TGFBRAP1: variants seen among roughly 807,000 people sequenced by gnomAD.
The protein encoded by TGFBRAP1 is transforming growth factor beta receptor associated protein 1.
In TGFBRAP1, 20 loss-of-function variants were observed where a neutral mutation model predicts 83.2. The observed-to-expected ratio is 0.24, with a 90% CI of 0.17 to 0.35. TGFBRAP1 has a LOEUF of 0.35. Ranked by LOEUF, TGFBRAP1 falls within the 10% of genes least tolerant of loss-of-function variation. The pLI is 1.00. For synonymous variants in TGFBRAP1, 415 were observed against 459.8 expected (o/e 0.90, Z 1.25); for missense variants, 950 against 1,099.4 (o/e 0.86, Z 1.92).
the TGFBRAP1 span, among the ~76,000 whole-genome samples, chr2:105,259,377 C>T: frequency 6.6e-6 from 1 of 152,170 alleles, no homozygotes; most frequent in East Asian, 1.9e-4. Context: ...TCACTTCTTG[C>T]CCTCCCAGGA....
intron 2 of TGFBRAP1, 49 bp from the exon 3 acceptor site, chr2:105,298,754 T>C (rs1288148764): frequency 2.0e-6 from 3 of 1,505,586 alleles, no homozygotes; most frequent in Non-Finnish European, 2.7e-6. Flanking sequence ...AAGCATGGTG[T>C]CATTTTCCTG....
chr2:105,284,094 C>G (rs185835725), intron 5 of TGFBRAP1, among the ~76,000 whole-genome samples: 3 of 152,056 alleles, frequency 2.0e-5, no homozygotes, highest in Non-Finnish European at 4.4e-5. Context: ...TTGTCTGCTC[C>G]CACTCTAAGA....
At chr2:105,250,836 G>T in the TGFBRAP1 span, among the ~76,000 whole-genome samples, 1 of 152,324 alleles carries the variant, frequency 6.6e-6, no homozygotes. Flanking sequence ...GTATTTTTTT[G>T]ATGGAGACGG....
intron 4 of TGFBRAP1, among the ~76,000 whole-genome samples, chr2:105,294,836 C>G (rs554055779): frequency 2.0e-5 from 3 of 152,178 alleles, no homozygotes; most frequent in Non-Finnish European, 4.4e-5. Flanking sequence ...AAATGCTACA[C>G]GCTTAAAATG....
At position 105,269,392 on chromosome 2, in the gene TGFBRAP1, T is replaced by A; in HGVS notation, c.2286A>T (p.Ser762=). 2 of 1,614,030 alleles carry A rather than the reference T, an allele frequency of 1.2e-6. No homozygotes were observed. Among genetic ancestry groups the A allele is most frequent in the Non-Finnish European group, 8.5e-7 (1 of 1,180,010 alleles). The change falls in exon 11 of 12, where the codon TCA becomes TCT. Residue 762 remains serine (S), a synonymous_variant. Coordinates refer to ENST00000393359, the MANE Select transcript of TGFBRAP1 (RefSeq NM_004257.6). The surrounding 1 kb of genome is among the most constrained non-coding windows in gnomAD (Gnocchi z 4.1). ...TCAGGAATGGGCAGAGGAGCTGCAC[T>A]GACCAGGTGTCAGGCAGCATCTGCA... The part of the protein sequence containing the change: ...QVLQMLPDTW[S]VQLLCPFLMG...
chr2:105,269,482 C>A lies in TGFBRAP1; in HGVS notation c.2196G>T (p.Glu732Asp). ...IYLHAGPTAH[E>D]LAVAAVDLLN... ...GCAGGTCCACGGCAGCCACGGCCAG[C>A]TCGTGGGCAGTGGGGCCAGCATGCA... Residue 732 changes from glutamate (E) to aspartate (D), a missense_variant, in exon 11 of 12, where the codon GAG (glutamate) becomes GAT (aspartate). Coordinates refer to ENST00000393359, the MANE Select transcript of TGFBRAP1 (RefSeq NM_004257.6). This position sits in a 1 kb window ranked among gnomAD's most constrained non-coding sequence, Gnocchi z 4.1. 1 of 1,613,452 alleles carries A rather than the reference C, an allele frequency of 6.2e-7. No individual in the cohort carries two copies. The highest frequency in any genetic ancestry group is 1.7e-4 in the Middle Eastern group (1 of 5,992).
Position 105,311,154 on chromosome 2 carries a change from A to AC in TGFBRAP1, c.-17-2837_-17-2836insG, listed in dbSNP as rs999410975. Reference sequence around the variant, plus strand: ...GAGGGAGAGAGAGCTGTAAAAAAAAAAAAAAAACAAAAAACAAAAAAACAT... The same window carrying AC: ...GAGGGAGAGAGAGCTGTAAAAAAAAACAAAAAAACAAAAAACAAAAAAACAT... On this transcript the variant is annotated intron_variant, in intron 1 of 11. Coordinates refer to ENST00000393359, the MANE Select transcript of TGFBRAP1 (RefSeq NM_004257.6). Among the ~76,000 whole-genome samples the AC allele has an allele frequency of 2.3e-4, 33 of 144,248 alleles. 1 individual carries two copies. Among genetic ancestry groups the AC allele is most frequent in the Admixed American group, 6.4e-4 (9 of 14,116 alleles). The allele number at this position is 144,248 out of a possible 152,430, so 94.6% of individuals were successfully genotyped here.
chr2:105,283,938 T>C (rs1677627560), intron 5 of TGFBRAP1, among the ~76,000 whole-genome samples: 2 of 152,204 alleles, frequency 1.3e-5, no homozygotes, highest in Non-Finnish European at 2.9e-5. Flanking sequence ...ACTAAGCTCA[T>C]AGCTTCTTGT....
intron 4 of TGFBRAP1, among the ~76,000 whole-genome samples, chr2:105,289,429 C>A (rs1030682471): frequency 6.6e-6 from 1 of 152,148 alleles, no homozygotes; most frequent in African/African-American, 2.4e-5. Flanking sequence ...TACAGTGAGC[C>A]CTCTCATTCC....
At chr2:105,263,941 T>A (rs1297495816), downstream of TGFBRAP1, among the ~76,000 whole-genome samples, 1 of 152,150 alleles carries the variant, frequency 6.6e-6, no homozygotes, top group Non-Finnish European at 1.5e-5. Flanking sequence ...AACATACCCC[T>A]TTCTTCAGGG....
In TGFBRAP1 at chr2:105,280,699, C is replaced by T; in HGVS notation, c.1146G>A (p.Glu382=). 1 of 1,613,376 alleles carries T rather than the reference C, an allele frequency of 6.2e-7. No homozygotes were observed. The highest frequency in any genetic ancestry group is 8.5e-7 in the Non-Finnish European group (1 of 1,179,460). Reference sequence around the variant, plus strand: ...ACAGGAAGGGGTAGAGAGAGATCAGCTCCCGGACATCAAGCTGGCCGCTTC... The same window carrying T: ...ACAGGAAGGGGTAGAGAGAGATCAGTTCCCGGACATCAAGCTGGCCGCTTC... ...LFRSGQLDVR[E]LISLYPFLLP... The change falls in exon 6 of 12, where the codon GAG becomes GAA. Residue 382 remains glutamate (E), a synonymous_variant. Transcript: ENST00000393359.
chr2:105,318,451 A>T (rs1678953069), intron 1 of TGFBRAP1, among the ~76,000 whole-genome samples: 1 of 152,220 alleles, frequency 6.6e-6, no homozygotes. Flanking sequence ...GGCATTAAAT[A>T]TTAATTAAAA....
At chr2:105,292,900 T>C (rs1238762397) in intron 4 of TGFBRAP1, among the ~76,000 whole-genome samples, 1 of 151,846 alleles carries the variant, frequency 6.6e-6, no homozygotes, top group Non-Finnish European at 1.5e-5. Context: ...TAACTACATA[T>C]GTAAGAGTTG....
intron 4 of TGFBRAP1, among the ~76,000 whole-genome samples, chr2:105,287,722 C>T (rs1677767096): frequency 6.6e-6 from 1 of 152,124 alleles, no homozygotes; most frequent in African/African-American, 2.4e-5. Flanking sequence ...TCTCTTCAGG[C>T]TGAGTCTGTA....
chr2:105,312,303 A>T (rs79001701), intron 1 of TGFBRAP1, among the ~76,000 whole-genome samples: 14,019 of 152,086 alleles, frequency 0.092, 803 homozygotes, highest in Non-Finnish European at 0.13. Flanking sequence ...CTCTATTTTT[A>T]AAAAAAATAA....
chr2:105,307,246 A>C (rs891563113), intron 2 of TGFBRAP1, among the ~76,000 whole-genome samples: 1 of 151,972 alleles, frequency 6.6e-6, no homozygotes, highest in Non-Finnish European at 1.5e-5. Flanking sequence ...TCTCCATATA[A>C]ATTCTCTGTT....
intron 3 of TGFBRAP1, 97 bp downstream of exon 3, chr2:105,298,414 T>G: frequency 7.5e-7 from 1 of 1,328,784 alleles, no homozygotes; most frequent in Non-Finnish European, 1.0e-6. Context: ...GTATCTTTTA[T>G]GCTTAGCGCA....
At chr2:105,290,807 C>T (rs1677885278) in intron 4 of TGFBRAP1, among the ~76,000 whole-genome samples, 1 of 152,110 alleles carries the variant, frequency 6.6e-6, no homozygotes, top group Non-Finnish European at 1.5e-5. Flanking sequence ...GAGTTCGAGA[C>T]CAGCCTAGCC....
intron 5 of TGFBRAP1, 134 bp from the exon 6 acceptor site, chr2:105,280,857 T>TGTCA: frequency 3.1e-6 from 3 of 971,140 alleles, no homozygotes; most frequent in Admixed American, 2.8e-5. Flanking sequence ...AGGGTAATCA[T>TGTCA]GTCAGAGCAA....
Sources: gnomAD v4.1 joint callset for allele counts (sites outside exome capture counted in the v4.1 genomes callset) on GRCh38, gnomAD v4.1.1 for gene constraint, Gnocchi (gnomAD v3.1) non-coding constraint, MANE v1.5 for transcripts, NCBI Gene and HGNC (gene_info 2026-07-23, HGNC 2026-07-21) for gene names.